Variants in SEMA3E observed in about 807,000 individuals in gnomAD.
The protein encoded by SEMA3E is semaphorin-3E.
A neutral mutation model predicts 93.6 loss-of-function variants in SEMA3E; 49 were observed. That is an observed-to-expected ratio of 0.52 (90% CI 0.42 to 0.66). The LOEUF is 0.66. Ranked by LOEUF, SEMA3E falls within the 30% of genes least tolerant of loss-of-function variation. The pLI, the probability that SEMA3E is intolerant of heterozygous loss-of-function variation, is 0.00. For missense variants in SEMA3E, 906 were observed against 964.8 expected, an observed-to-expected ratio of 0.94 and a Z score of 0.81; for synonymous variants, 363 against 330.7, an observed-to-expected ratio of 1.10 and a Z score of -1.06.
At chr7:83,438,368 A>G (rs903629734) in intron 4 of SEMA3E, among the ~76,000 whole-genome samples, 2 of 152,130 alleles carry the variant, frequency 1.3e-5, no homozygotes, top group South Asian at 4.1e-4. Context: ...ACTACACACT[A>G]TTCAAAGCAG....
intron 4 of SEMA3E, among the ~76,000 whole-genome samples, chr7:83,459,832 T>C (rs1234212885): frequency 1.3e-5 from 2 of 152,152 alleles, no homozygotes; most frequent in Non-Finnish European, 1.5e-5. Flanking sequence ...GGCTGGTCCT[T>C]GCCTTAAGTG....
intron 16 of SEMA3E, among the ~76,000 whole-genome samples, chr7:83,370,005 C>T (rs958981251): frequency 6.6e-6 from 1 of 151,542 alleles, no homozygotes; most frequent in Non-Finnish European, 1.5e-5. Flanking sequence ...GAGGTATGTG[C>T]CATTATACTG....
At chr7:83,578,523 TC>T (rs1374677914) in intron 1 of SEMA3E, among the ~76,000 whole-genome samples, 1 of 152,070 alleles carries the variant, frequency 6.6e-6, no homozygotes, top group Non-Finnish European at 1.5e-5. Flanking sequence ...GCTTCTACAC[TC>T]CAGCCTAGGC....
At chr7:83,591,314 A>G (rs1401209685) in intron 1 of SEMA3E, among the ~76,000 whole-genome samples, 1 of 151,914 alleles carries the variant, frequency 6.6e-6, no homozygotes, top group Non-Finnish European at 1.5e-5. Flanking sequence ...TAACAAATTA[A>G]AATTATTTTT....
At chr7:83,481,029 T>A (rs1051608140) in intron 2 of SEMA3E, among the ~76,000 whole-genome samples, 2 of 152,168 alleles carry the variant, frequency 1.3e-5, no homozygotes, top group Non-Finnish European at 2.9e-5. Context: ...TAATGAGGAC[T>A]CTTTTAATAA....
chr7:83,555,142 T>C (rs1381705801), intron 1 of SEMA3E, among the ~76,000 whole-genome samples: 3 of 152,168 alleles, frequency 2.0e-5, no homozygotes, highest in Non-Finnish European at 4.4e-5. Flanking sequence ...CTTACTATTA[T>C]TTATTGTAGA....
chr7:83,506,468 G>A (rs1790707652), intron 1 of SEMA3E, among the ~76,000 whole-genome samples: 1 of 151,916 alleles, frequency 6.6e-6, no homozygotes, highest in African/African-American at 2.4e-5. Flanking sequence ...GGCTGGAAAA[G>A]GGAATCGGGG....
intron 15 of SEMA3E, among the ~76,000 whole-genome samples, chr7:83,385,801 A>G (rs907306731): frequency 2.6e-5 from 4 of 152,202 alleles, no homozygotes; most frequent in African/African-American, 9.6e-5. Context: ...TACAAACAAA[A>G]GCAGACACCA....
chr7:83,617,073 T>A (rs1793385916), intron 1 of SEMA3E, among the ~76,000 whole-genome samples: 1 of 152,136 alleles, frequency 6.6e-6, no homozygotes, highest in African/African-American at 2.4e-5. Context: ...ATCAATTTGG[T>A]TACAATACCA....
At chr7:83,503,648 A>G (rs1390520969) in intron 1 of SEMA3E, among the ~76,000 whole-genome samples, 1 of 152,210 alleles carries the variant, frequency 6.6e-6, no homozygotes, top group African/African-American at 2.4e-5. Context: ...TATATGGCCT[A>G]TGTATCCTAG....
chr7:83,409,824 A>T (rs1321645282), intron 5 of SEMA3E, among the ~76,000 whole-genome samples: 1 of 151,630 alleles, frequency 6.6e-6, no homozygotes, highest in African/African-American at 2.4e-5. Context: ...TCCCAAGGTA[A>T]GGTCTTTAAA....
chr7:83,512,694 A>G (rs1270029565), intron 1 of SEMA3E, among the ~76,000 whole-genome samples: 2 of 152,192 alleles, frequency 1.3e-5, no homozygotes, highest in African/African-American at 4.8e-5. Context: ...GGTAAATAAG[A>G]TGTTTTAAAT....
chr7:83,402,148 A>G (rs1562765348), intron 10 of SEMA3E, among the ~76,000 whole-genome samples: 1 of 152,020 alleles, frequency 6.6e-6, no homozygotes, highest in African/African-American at 2.4e-5. Flanking sequence ...AGAGAAAAAA[A>G]CTTCTTATAG....
intron 1 of SEMA3E, among the ~76,000 whole-genome samples, chr7:83,607,564 C>A (rs1425120013): frequency 6.6e-6 from 1 of 152,112 alleles, no homozygotes; most frequent in Non-Finnish European, 1.5e-5. Flanking sequence ...TAAACTGGGT[C>A]ATTGGCTTAT....
At chr7:83,492,255 T>C (rs1172672693) in intron 1 of SEMA3E, among the ~76,000 whole-genome samples, 1 of 151,812 alleles carries the variant, frequency 6.6e-6, no homozygotes, top group Admixed American at 6.6e-5. Flanking sequence ...TTATGAGGGA[T>C]TTTAGTAAGA....
At chr7:83,614,236 T>C (rs42024) in intron 1 of SEMA3E, among the ~76,000 whole-genome samples, 95,269 of 151,890 alleles carry the variant, frequency 0.63, 30,507 homozygotes, top group African/African-American at 0.76. Context: ...TCACATTCTT[T>C]CTCAGTGCCA....
chr7:83,624,626 C>T (rs1793631855), intron 1 of SEMA3E, among the ~76,000 whole-genome samples: 1 of 151,958 alleles, frequency 6.6e-6, no homozygotes. Flanking sequence ...GGATGTTAGC[C>T]CTTTGTCAGA....
intron 2 of SEMA3E, among the ~76,000 whole-genome samples, chr7:83,478,417 GAAAAT>G (rs976080568): frequency 2.6e-5 from 4 of 151,962 alleles, no homozygotes; most frequent in Middle Eastern, 3.4e-3. Context: ...ATGAAAAAAA[GAAAAT>G]AAAATTTTAT....
intron 1 of SEMA3E, among the ~76,000 whole-genome samples, chr7:83,618,043 C>G (rs1229197728): frequency 3.3e-5 from 5 of 152,100 alleles, no homozygotes. Flanking sequence ...CATCACCTAC[C>G]TTTTATGGTC....
Sources: allele counts gnomAD v4.1 joint callset (sites outside exome capture counted in the v4.1 genomes callset), GRCh38; gene constraint gnomAD v4.1.1; transcripts MANE v1.5; gene names NCBI Gene and HGNC (gene_info 2026-07-23, HGNC 2026-07-21).